KCNQ1: variants seen among roughly 807,000 people sequenced by gnomAD.
The protein encoded by KCNQ1 is potassium voltage-gated channel subfamily KQT member 1.
A neutral mutation model predicts 72.4 loss-of-function variants in KCNQ1; 49 were observed. The ratio of observed to expected loss-of-function variants is 0.68; its 90% CI spans 0.54 to 0.86. The LOEUF (loss-of-function observed/expected upper bound fraction) is 0.86, where lower values mean the gene tolerates loss of function less well. Among genes scored for constraint, KCNQ1 ranks in the 40% least tolerant of loss-of-function variants. The probability of loss-of-function intolerance (pLI) is 0.00; values close to 1 mark genes in which losing one functional copy is unlikely to be tolerated. For missense variants in KCNQ1, 790 were observed against 945.1 expected, an observed-to-expected ratio of 0.84 and a Z score of 2.15; for synonymous variants, 450 against 412.6, an observed-to-expected ratio of 1.09 and a Z score of -1.10.
In KCNQ1 at chr11:2,653,836, A is replaced by G. The variant is rs1849794931; in HGVS notation, c.1394-8125A>G. The G allele has an allele frequency of 7.5e-6, 3 of 398,566 alleles. No individual in the cohort carries two copies. The East Asian group carries it at 1.1e-4, about 14-fold the overall frequency. 24.7% of individuals were successfully genotyped at this position (398,566 alleles called of 1,614,324 possible). On this transcript the variant is annotated intron_variant, in intron 10 of 15. Coordinates refer to ENST00000155840, the MANE Select transcript of KCNQ1 (RefSeq NM_000218.3). This position sits in a 1 kb window ranked among gnomAD's most constrained non-coding sequence, Gnocchi z 5.3. ...AAGGTCCACAGGGACCCCTTTGGGGATGGCCAGAGGGTACCTAAACACTGC... is the reference window on the plus strand; with the variant it reads ...AAGGTCCACAGGGACCCCTTTGGGGGTGGCCAGAGGGTACCTAAACACTGC...
Position 2,653,700 on chromosome 11 carries a change from G to T in KCNQ1, c.1394-8261G>T. ...AACAGCTCAGGAAGCCCAGCAGAAC[G>T]AGGTCATCTCTTCCAGGATTCCTGC... is the stretch of plus-strand genomic sequence containing the variant. On this transcript the variant is annotated intron_variant, in intron 10 of 15. Transcript: ENST00000155840. The surrounding 1 kb of genome is among the most constrained non-coding windows in gnomAD (Gnocchi z 5.3). 3 of 398,688 alleles carry T rather than the reference G, an allele frequency of 7.5e-6. No individual in the cohort carries two copies. Among genetic ancestry groups the T allele is most frequent in the Non-Finnish European group, 1.3e-5 (3 of 226,086 alleles). The allele number at this position is 398,688 out of a possible 1,614,324, so 24.7% of individuals were successfully genotyped here.
At chr11:2,472,571 T>A (rs1257383362) in intron 1 of KCNQ1, among the ~76,000 whole-genome samples, 1 of 152,052 alleles carries the variant, frequency 6.6e-6, no homozygotes, top group African/African-American at 2.4e-5. Flanking sequence ...GGAGTCCTGG[T>A]CTCTGTCACT....
intron 15 of KCNQ1, among the ~76,000 whole-genome samples, chr11:2,791,507 T>C (rs1014095195): frequency 6.6e-6 from 1 of 151,718 alleles, no homozygotes; most frequent in African/African-American, 2.4e-5. Flanking sequence ...TTGGTCACCA[T>C]CAAAAATAGA....
In KCNQ1 at chr11:2,536,929, C is replaced by A. The variant is rs544288286; in HGVS notation, c.477+8911C>A. 1.8e-4 allele frequency among the ~76,000 whole-genome samples: 28 copies of A among 152,096 alleles called. No homozygotes were observed. The East Asian group carries it at 4.8e-3, about 26-fold the overall frequency. ...CTAGATGTAGTACCCCAATCCCCCCCAGTCCCTCCCTTTACCTCACAGGGC... is the reference window on the plus strand; with the variant it reads ...CTAGATGTAGTACCCCAATCCCCCCAAGTCCCTCCCTTTACCTCACAGGGC... On this transcript the variant is annotated intron_variant, in intron 2 of 15. Coordinates refer to ENST00000155840, the MANE Select transcript of KCNQ1 (RefSeq NM_000218.3). The surrounding 1 kb of genome is among the most constrained non-coding windows in gnomAD (Gnocchi z 7.4).
At chr11:2,709,783 C>T (rs547117733) in intron 11 of KCNQ1, among the ~76,000 whole-genome samples, 3 of 152,268 alleles carry the variant, frequency 2.0e-5, no homozygotes, top group Non-Finnish European at 2.9e-5. Context: ...CTAAGGTTTT[C>T]GAGGTTCATT....
intron 10 of KCNQ1, among the ~76,000 whole-genome samples, chr11:2,589,161 T>C (rs1439426222): frequency 1.3e-5 from 2 of 152,078 alleles, no homozygotes; most frequent in African/African-American, 2.4e-5. Context: ...CTGCCTGGCT[T>C]CCTCCCAGCC....
Position 2,588,767 on chromosome 11 carries a change from A to C in KCNQ1, c.1306A>C (p.Lys436Gln). ...AGACAATGGGGTGACTCCTGGAGAG[A>C]AGATGCTCACAGTCCCCCATATCAC... ...DKDNGVTPGE[K>Q]MLTVPHITCD... The change falls in exon 10 of 16, where the codon AAG becomes CAG. Residue 436 changes from lysine to glutamine, a missense_variant. By Grantham distance (53) the Lys-to-Gln change is moderately conservative. Transcript: ENST00000155840. This position sits in a 1 kb window ranked among gnomAD's most constrained non-coding sequence, Gnocchi z 5.6. 1 of 1,613,666 alleles carries C rather than the reference A, an allele frequency of 6.2e-7. No homozygotes were observed. The highest frequency in any genetic ancestry group is 8.5e-7 in the Non-Finnish European group (1 of 1,179,950).
intron 11 of KCNQ1, chr11:2,666,979 G>A (rs937860346): frequency 6.3e-5 from 25 of 398,616 alleles, no homozygotes; most frequent in African/African-American, 2.1e-4. Flanking sequence ...GGGCCCGCCC[G>A]GGAGGGCTGT....
In KCNQ1 at chr11:2,508,533, C is replaced by T. The variant is rs992051015; in HGVS notation, c.387-19395C>T. Among the ~76,000 whole-genome samples, 4 of 151,904 alleles carry T rather than the reference C, an allele frequency of 2.6e-5. No homozygotes were observed. Among genetic ancestry groups the T allele is most frequent in the Non-Finnish European group, 5.9e-5 (4 of 67,948 alleles). ...GTGATGATATAACCAGCTGGGTGTT[C>T]GCACCTGAGAGGTTTCGGGGCAGGG... is the stretch of plus-strand genomic sequence containing the variant. On this transcript the variant is annotated intron_variant, in intron 1 of 15. Coordinates refer to ENST00000155840, the MANE Select transcript of KCNQ1 (RefSeq NM_000218.3). This position sits in a 1 kb window ranked among gnomAD's most constrained non-coding sequence, Gnocchi z 6.2.
chr11:2,644,353 T>C (rs1453516915), intron 10 of KCNQ1: 3 of 398,340 alleles, frequency 7.5e-6, no homozygotes, highest in South Asian at 2.5e-4. Context: ...CTGCTTGTTG[T>C]GGTCTGTTAT....
In KCNQ1 at chr11:2,612,037, C is replaced by T. The variant is rs1462109954; in HGVS notation, c.1393+23183C>T. The T allele has an allele frequency of 1.0e-5, 4 of 398,482 alleles. No homozygotes were observed. The highest frequency in any genetic ancestry group is 2.1e-5 in the African/African-American group (1 of 48,626). The allele number at this position is 398,482 out of a possible 1,614,324, so 24.7% of individuals were successfully genotyped here. A position where few individuals can be genotyped will look rare whatever the true frequency, so the allele number is the denominator to read the frequency against. On this transcript the variant is annotated intron_variant, in intron 10 of 15. Coordinates refer to ENST00000155840, the MANE Select transcript of KCNQ1 (RefSeq NM_000218.3). This position sits in a 1 kb window ranked among gnomAD's most constrained non-coding sequence, Gnocchi z 5.5. ...CTTAATTCCACATATGTTTTCTACT[C>T]TTAATTACATATATGTTACAACTTA...
At position 2,712,738 on chromosome 11, in the gene KCNQ1, A is replaced by C. The variant is rs1448886844; in HGVS notation, c.1514+50657A>C. Among the ~76,000 whole-genome samples the C allele has an allele frequency of 6.6e-6, 1 of 152,214 alleles. No individual in the cohort carries two copies. Among genetic ancestry groups the C allele is most frequent in the Non-Finnish European group, 1.5e-5 (1 of 68,036 alleles). On this transcript the variant is annotated intron_variant, in intron 11 of 15. Transcript: ENST00000155840. This position sits in a 1 kb window ranked among gnomAD's most constrained non-coding sequence, Gnocchi z 6.4. ...CTTCCTTGCCATCCGCAACCACACC[A>C]GTGGCTGGAAAGCCAGAGTCCCCTG... is the stretch of plus-strand genomic sequence containing the variant.
Position 2,544,398 on chromosome 11 carries a change from ATATG to A in KCNQ1, c.477+16382_477+16385del, listed in dbSNP as rs1016842877. ...TATATATGTGTGCATATATGTGTAT[ATATG>A]TGTGTGTATATATATATATGGTTAC... On this transcript the variant is annotated intron_variant, in intron 2 of 15. Transcript: ENST00000155840. The surrounding 1 kb of genome is among the most constrained non-coding windows in gnomAD (Gnocchi z 4.4). Among the ~76,000 whole-genome samples, 1 of 147,324 alleles carries A rather than the reference ATATG, an allele frequency of 6.8e-6. No homozygotes were observed. Among genetic ancestry groups the A allele is most frequent in the Non-Finnish European group, 1.5e-5 (1 of 67,256 alleles).
At chr11:2,696,952 AGTT>A (rs1394847864) in intron 11 of KCNQ1, 3 of 398,240 alleles carry the variant, frequency 7.5e-6, no homozygotes, top group African/African-American at 2.1e-5. Context: ...ATCTCTCTTT[AGTT>A]GTTAAGTTCC....
In KCNQ1 at chr11:2,645,274, G is replaced by A. The variant is rs190398573; in HGVS notation, c.1394-16687G>A. The A allele has an allele frequency of 2.5e-6, 1 of 398,628 alleles. No homozygotes were observed. Among genetic ancestry groups the A allele is most frequent in the Non-Finnish European group, 4.4e-6 (1 of 226,246 alleles). 24.7% of individuals were successfully genotyped at this position (398,628 alleles called of 1,614,324 possible). ...GTGGTGGTAATGGTCAGTTGGGTAG[G>A]GCAGTCCTCAAGCCCCCAGGAGTGC... On this transcript the variant is annotated intron_variant, in intron 10 of 15. Transcript: ENST00000155840. This position sits in a 1 kb window ranked among gnomAD's most constrained non-coding sequence, Gnocchi z 5.8.
Position 2,809,655 on chromosome 11 carries a change from C to T in KCNQ1, c.1794+31618C>T, listed in dbSNP as rs569968786. On this transcript the variant is annotated intron_variant, in intron 15 of 15. Transcript: ENST00000155840. This position sits in a 1 kb window ranked among gnomAD's most constrained non-coding sequence, Gnocchi z 7.1. ...CGGTCGCTGACTCCAGAGGGCCCCA[C>T]GGCTCATGCCTGCTTCCCTGCTATC... Among the ~76,000 whole-genome samples the T allele has an allele frequency of 2.6e-5, 4 of 152,284 alleles. No homozygotes were observed. The East Asian group carries it at 7.7e-4, about 29-fold the overall frequency.
Position 2,654,917 on chromosome 11 carries a change from A to G in KCNQ1, c.1394-7044A>G, listed in dbSNP as rs1332773706. On this transcript the variant is annotated intron_variant, in intron 10 of 15. Transcript: ENST00000155840. The surrounding 1 kb of genome is among the most constrained non-coding windows in gnomAD (Gnocchi z 6.4). ...AGATGTGCAAGGTCGTGGGCCAGAG[A>G]GCAAGGCACAGATACAGGAGACTTC... 2.5e-6 allele frequency: 1 copy of G among 398,504 alleles called. No homozygotes were observed. Among genetic ancestry groups the G allele is most frequent in the Non-Finnish European group, 4.4e-6 (1 of 226,102 alleles). 24.7% of individuals were successfully genotyped at this position (398,504 alleles called of 1,614,324 possible). A position where few individuals can be genotyped will look rare whatever the true frequency, so the allele number is the denominator to read the frequency against.
intron 11 of KCNQ1, chr11:2,675,045 G>C (rs985908630): frequency 1.4e-4 from 57 of 398,634 alleles, no homozygotes; most frequent in Middle Eastern, 1.3e-3. Context: ...GTGGGGGACG[G>C]GGATGCCAAG....
At chr11:2,474,873 A>G (rs1219501434) in intron 1 of KCNQ1, among the ~76,000 whole-genome samples, 2 of 152,136 alleles carry the variant, frequency 1.3e-5, no homozygotes, top group African/African-American at 4.8e-5. Flanking sequence ...ACAGCCCCAC[A>G]TCGGGCCCTT....
Sources: gnomAD v4.1 joint callset for allele counts (sites outside exome capture counted in the v4.1 genomes callset) on GRCh38, gnomAD v4.1.1 for gene constraint, Gnocchi (gnomAD v3.1) non-coding constraint, MANE v1.5 for transcripts, NCBI Gene and HGNC (gene_info 2026-07-23, HGNC 2026-07-21) for gene names.